Variants in GABRB1 observed in about 807,000 individuals in gnomAD.
GABRB1 encodes gamma-aminobutyric acid type A receptor subunit beta1.
GABRB1 carries 17 observed loss-of-function variants against 51.6 expected under a neutral mutation model. The ratio of observed to expected loss-of-function variants is 0.33; its 90% CI spans 0.23 to 0.49. GABRB1 has a LOEUF of 0.49. GABRB1 is among the 20% of genes least tolerant of loss of function. The pLI is 0.99. For synonymous variants in GABRB1, 247 were observed against 218.9 expected (o/e 1.13, Z -1.14); for missense variants, 410 against 600.6 (o/e 0.68, Z 3.32).
chr4:47,118,873 A>C (rs1390442631), intron 3 of GABRB1, among the ~76,000 whole-genome samples: 3 of 152,164 alleles, frequency 2.0e-5, no homozygotes, highest in Non-Finnish European at 4.4e-5. Context: ...TAACAACCAA[A>C]ACTGCTAATG....
intron 4 of GABRB1, among the ~76,000 whole-genome samples, chr4:47,245,373 T>C (rs963107530): frequency 6.6e-5 from 10 of 152,180 alleles, no homozygotes; most frequent in African/African-American, 2.4e-4. Flanking sequence ...TCTCAGTTAT[T>C]CCCTCAGAGA....
intron 5 of GABRB1, among the ~76,000 whole-genome samples, chr4:47,378,194 C>T (rs1469092598): frequency 6.6e-6 from 1 of 152,228 alleles, no homozygotes; most frequent in Admixed American, 6.5e-5. Context: ...GAACCCTGCC[C>T]CGCGGGAAGG....
intron 1 of GABRB1, among the ~76,000 whole-genome samples, chr4:46,999,170 G>C (rs1724103532): frequency 6.6e-6 from 1 of 152,220 alleles, no homozygotes; most frequent in African/African-American, 2.4e-5. Context: ...TTTATTTAGA[G>C]GGGATACACA....
intron 4 of GABRB1, among the ~76,000 whole-genome samples, chr4:47,211,703 C>G (rs988272971): frequency 1.3e-5 from 2 of 152,166 alleles, no homozygotes; most frequent in Non-Finnish European, 2.9e-5. Context: ...AGTCTGAAAC[C>G]AGTTTCACTG....
chr4:47,344,349 A>T lies in GABRB1; in HGVS notation c.544+24140A>T, dbSNP rs115493954. Among the ~76,000 whole-genome samples, 369 of 152,340 alleles carry T rather than the reference A, an allele frequency of 2.4e-3. 2 individuals carry two copies. Among genetic ancestry groups the T allele is most frequent in the African/African-American group, 8.5e-3 (354 of 41,584 alleles). The stretch of plus-strand genomic sequence containing the variant: ...AGGAACTGTGTTCGGGTATAAAAAG[A>T]TTCCTAAACAGGTTTACCATATATT... On this transcript the variant is annotated intron_variant, in intron 5 of 8. Transcript: ENST00000295454.
intron 3 of GABRB1, among the ~76,000 whole-genome samples, chr4:47,036,288 C>CACCAGAAACTTCAATTATATCTCA (rs1487277420): frequency 6.6e-6 from 1 of 152,180 alleles, no homozygotes; most frequent in Non-Finnish European, 1.5e-5. Flanking sequence ...CTGGAAGTTT[C>CACCAGAAACTTCAATTATATCTCA]TGGTACATAC....
chr4:47,268,805 A>G (rs1024126649), intron 4 of GABRB1, among the ~76,000 whole-genome samples: 1 of 152,226 alleles, frequency 6.6e-6, no homozygotes, highest in African/African-American at 2.4e-5. Flanking sequence ...GGCAAATTTT[A>G]TAACATATTG....
intron 3 of GABRB1, among the ~76,000 whole-genome samples, chr4:47,054,448 C>T (rs1303364346): frequency 2.6e-5 from 4 of 152,148 alleles, no homozygotes; most frequent in Admixed American, 2.6e-4. Flanking sequence ...TCTGCTTTAC[C>T]TTCATGAATA....
At chr4:46,994,925 T>C (rs1723938511) in intron 1 of GABRB1, among the ~76,000 whole-genome samples, 1 of 152,180 alleles carries the variant, frequency 6.6e-6, no homozygotes, top group African/African-American at 2.4e-5. Flanking sequence ...GTTTTAAACG[T>C]CTGGATTCAA....
intron 1 of GABRB1, among the ~76,000 whole-genome samples, chr4:47,013,446 A>G (rs1039947046): frequency 1.3e-5 from 2 of 152,106 alleles, no homozygotes; most frequent in East Asian, 1.9e-4. Context: ...GGACTGATCC[A>G]CTGTGCCCGG....
intron 3 of GABRB1, among the ~76,000 whole-genome samples, chr4:47,070,316 G>C (rs1342503240): frequency 6.8e-6 from 1 of 147,692 alleles, no homozygotes; most frequent in Non-Finnish European, 1.5e-5. Context: ...GATTACAGGC[G>C]TAAGCCACCG....
At chr4:47,086,848 G>A (rs537293637) in intron 3 of GABRB1, among the ~76,000 whole-genome samples, 9 of 152,242 alleles carry the variant, frequency 5.9e-5, no homozygotes, top group South Asian at 2.1e-4. Flanking sequence ...CTGCTGGAGC[G>A]TGGTACCTCA....
chr4:47,034,701 G>A (rs1725475934), intron 3 of GABRB1, among the ~76,000 whole-genome samples: 2 of 152,078 alleles, frequency 1.3e-5, no homozygotes, highest in South Asian at 4.2e-4. Context: ...ACAAAACATT[G>A]AAATAAATAG....
At chr4:47,314,319 C>CT (rs1347133396) in intron 4 of GABRB1, among the ~76,000 whole-genome samples, 1 of 151,980 alleles carries the variant, frequency 6.6e-6, no homozygotes, top group Non-Finnish European at 1.5e-5. Flanking sequence ...ACTCACAACT[C>CT]TAAGTACCCA....
At chr4:47,177,823 T>G (rs1316849061) in intron 4 of GABRB1, among the ~76,000 whole-genome samples, 11 of 151,734 alleles carry the variant, frequency 7.2e-5, no homozygotes, top group African/African-American at 1.5e-4. Flanking sequence ...GTGGTTTTTT[T>G]TTTTTTTTTT....
intron 3 of GABRB1, among the ~76,000 whole-genome samples, chr4:47,083,862 AC>A (rs1353800473): frequency 6.6e-6 from 1 of 151,894 alleles, no homozygotes; most frequent in Non-Finnish European, 1.5e-5. Context: ...TCAAAGACAC[AC>A]CCCTATGTCT....
chr4:47,082,685 T>C (rs1323310419), intron 3 of GABRB1, among the ~76,000 whole-genome samples: 1 of 152,144 alleles, frequency 6.6e-6, no homozygotes, highest in Non-Finnish European at 1.5e-5. Context: ...CTTAGTTTCT[T>C]ACTTTAAAGT....
At chr4:47,108,456 T>G (rs912546037) in intron 3 of GABRB1, among the ~76,000 whole-genome samples, 1 of 152,032 alleles carries the variant, frequency 6.6e-6, no homozygotes, top group African/African-American at 2.4e-5. Flanking sequence ...TATAGCACAT[T>G]GTGGATTTTG....
At position 47,153,572 on chromosome 4, in the gene GABRB1, CAG is replaced by C. The variant is rs1366446880; in HGVS notation, c.241-7674_241-7673del. The stretch of plus-strand genomic sequence containing the variant: ...ACTCTGTGCTATATTAGTACAGGCT[CAG>C]AGTTTCATATACTGAGTCTCATGCC... On this transcript the variant is annotated intron_variant, in intron 3 of 8. Transcript: ENST00000295454. Among the ~76,000 whole-genome samples, 37 of 152,108 alleles carry C rather than the reference CAG, an allele frequency of 2.4e-4. 1 individual carries two copies. The highest frequency in any genetic ancestry group is 7.5e-4 in the African/African-American group (31 of 41,528).
Sources: allele counts gnomAD v4.1 joint callset (sites outside exome capture counted in the v4.1 genomes callset), GRCh38; gene constraint gnomAD v4.1.1; transcripts MANE v1.5; gene names NCBI Gene and HGNC (gene_info 2026-07-23, HGNC 2026-07-21).